MCC: variants seen among roughly 807,000 people sequenced by gnomAD.
The protein encoded by MCC is MCC regulator of Wnt signaling pathway.
Under a neutral mutation model 116.2 loss-of-function variants are expected in MCC, and 90 were observed. The observed-to-expected ratio is 0.77, with a 90% CI of 0.65 to 0.92. The LOEUF is 0.92. Among genes scored for constraint, MCC ranks in the 40% least tolerant of loss-of-function variants. MCC has a pLI of 0.00. For synonymous variants in MCC, 578 were observed against 510.5 expected (o/e 1.13, Z -1.78); for missense variants, 1,516 against 1,312.2 (o/e 1.16, Z -2.40).
In MCC at chr5:113,248,620, T is replaced by C. The variant is rs1017578176; in HGVS notation, c.627+91899A>G. Among the ~76,000 whole-genome samples the C allele has an allele frequency of 2.0e-5, 3 of 152,244 alleles. No individual in the cohort carries two copies. In the East Asian group the frequency reaches 5.8e-4, roughly 29 times the overall value. On this transcript the variant is annotated intron_variant, in intron 3 of 18. Transcript: ENST00000408903. ...AATTTCCCTAGTGTTGAAACCCCGG[T>C]TGACCCTCTAAATGCCAAGAGACAT...
chr5:113,140,399 C>T (rs1305467049), intron 5 of MCC, among the ~76,000 whole-genome samples: 1 of 152,176 alleles, frequency 6.6e-6, no homozygotes, highest in Non-Finnish European at 1.5e-5. Context: ...CCAAATGTCC[C>T]TGTTCAAATT....
At chr5:113,422,765 G>A (rs1337302670) in intron 1 of MCC, among the ~76,000 whole-genome samples, 1 of 152,186 alleles carries the variant, frequency 6.6e-6, no homozygotes, top group Non-Finnish European at 1.5e-5. Context: ...TGGCATCGGA[G>A]ATAAATAGGA....
chr5:113,275,623 T>C (rs1033371058), intron 3 of MCC, among the ~76,000 whole-genome samples: 5 of 152,172 alleles, frequency 3.3e-5, no homozygotes, highest in Non-Finnish European at 7.3e-5. Context: ...TTCCATGGAT[T>C]CTACCAACCA....
chr5:113,029,046 ACTT>A lies in MCC; in HGVS notation c.2764_2766del (p.Lys922del), dbSNP rs1750773709. 6.2e-7 allele frequency: 1 copy of A among 1,612,718 alleles called. No individual in the cohort carries two copies. Among genetic ancestry groups the A allele is most frequent in the African/African-American group, 1.3e-5 (1 of 74,846 alleles). ...ACCAGCTCTTGAACTCTGGCCTTCAACTTCTTTTCTCTATATTAAAGGAGACAA... is the reference window on the plus strand; with the variant it reads ...ACCAGCTCTTGAACTCTGGCCTTCAACTTTTCTCTATATTAAAGGAGACAA... On this transcript the variant is annotated inframe_deletion, in exon 18 of 19. Coordinates refer to ENST00000408903, the MANE Select transcript of MCC (RefSeq NM_001085377.2).
In MCC at chr5:113,057,159, A is replaced by T. The variant is rs553848225; in HGVS notation, c.2214-3200T>A. On this transcript the variant is annotated intron_variant, in intron 14 of 18. Transcript: ENST00000408903. Reference sequence around the variant, plus strand: ...AGTCAGGCAGGGGAGAGAAAGAAGGAGAAGTGGTCAGAGAGGGAGTGCGTG... The same window carrying T: ...AGTCAGGCAGGGGAGAGAAAGAAGGTGAAGTGGTCAGAGAGGGAGTGCGTG... Among the ~76,000 whole-genome samples, 10 of 152,264 alleles carry T rather than the reference A, an allele frequency of 6.6e-5. No individual in the cohort carries two copies. The South Asian group carries it at 1.9e-3, about 28-fold the overall frequency.
chr5:113,276,805 ATT>A (rs35658846), intron 3 of MCC, among the ~76,000 whole-genome samples: 74 of 129,080 alleles, frequency 5.7e-4, no homozygotes, highest in African/African-American at 1.5e-3. Context: ...TTTTCTTCTT[ATT>A]TTTTTTTTTT....
At chr5:113,113,762 C>T (rs1398702832) in intron 6 of MCC, among the ~76,000 whole-genome samples, 1 of 151,886 alleles carries the variant, frequency 6.6e-6, no homozygotes, top group African/African-American at 2.4e-5. Context: ...ACCTGACGTC[C>T]TCAAAATGGC....
chr5:113,175,103 C>G (rs1219649298), intron 3 of MCC, among the ~76,000 whole-genome samples: 1 of 152,126 alleles, frequency 6.6e-6, no homozygotes, highest in Non-Finnish European at 1.5e-5. Flanking sequence ...TGATATACTT[C>G]TGTGTTGTTT....
chr5:113,479,186 T>A (rs348929), intron 1 of MCC, among the ~76,000 whole-genome samples: 104,899 of 152,082 alleles, frequency 0.69, 36,596 homozygotes, highest in East Asian at 0.88. Flanking sequence ...GAATTTCACA[T>A]GCATGACATT....
chr5:113,222,423 G>GCCAAAAT (rs1763586371), intron 3 of MCC, among the ~76,000 whole-genome samples: 2 of 151,814 alleles, frequency 1.3e-5, no homozygotes, highest in Non-Finnish European at 2.9e-5. Context: ...AGGTAATCTT[G>GCCAAAAT]GCCTCATAAA....
rs530815068 is a variant in MCC at position 113,028,799 on chromosome 5, G to T, written c.2879+135C>A. 41 of 1,030,676 alleles carry T rather than the reference G, an allele frequency of 4.0e-5. 1 individual carries two copies. The Middle Eastern group carries it at 1.0e-3, about 25-fold the overall frequency. The allele number at this position is 1,030,676 out of a possible 1,614,324, so 63.8% of individuals were successfully genotyped here. On this transcript the variant is annotated intron_variant, in intron 18 of 18. Coordinates refer to ENST00000408903, the MANE Select transcript of MCC (RefSeq NM_001085377.2). ...CCAGGCTCTTAGAGAGCCAGGTAGG[G>T]ACTCACCCACTTTCTAGAGTTAGTT...
chr5:113,442,605 T>C (rs936739540), intron 1 of MCC, among the ~76,000 whole-genome samples: 1 of 152,220 alleles, frequency 6.6e-6, no homozygotes, highest in African/African-American at 2.4e-5. Context: ...TTGCCTAGGT[T>C]TTCTTCTAGG....
At chr5:113,292,706 C>A (rs544263379) in intron 3 of MCC, among the ~76,000 whole-genome samples, 108 of 152,316 alleles carry the variant, frequency 7.1e-4, no homozygotes, top group African/African-American at 2.5e-3. Flanking sequence ...TCTAGCCCCC[C>A]CTTCTCCTAA....
intron 1 of MCC, among the ~76,000 whole-genome samples, chr5:113,399,294 G>A (rs1361546335): frequency 6.6e-6 from 1 of 152,086 alleles, no homozygotes; most frequent in Non-Finnish European, 1.5e-5. Flanking sequence ...GACCATCCTG[G>A]CTAACAAGGT....
chr5:113,378,426 A>T (rs1769035611), intron 2 of MCC, among the ~76,000 whole-genome samples: 1 of 152,182 alleles, frequency 6.6e-6, no homozygotes, highest in Non-Finnish European at 1.5e-5. Flanking sequence ...GTCTTTGGAG[A>T]TATAGGTTAT....
chr5:113,311,418 G>A (rs1374887642), intron 3 of MCC, among the ~76,000 whole-genome samples: 2 of 152,120 alleles, frequency 1.3e-5, no homozygotes, highest in Non-Finnish European at 2.9e-5. Context: ...GCCTTCTGGA[G>A]GATAAGAGAC....
chr5:113,340,327 C>G (rs10067046), intron 3 of MCC, among the ~76,000 whole-genome samples, 192 bp downstream of exon 3: 87,129 of 152,072 alleles, frequency 0.57, 27,744 homozygotes, highest in African/African-American at 0.86. Context: ...CTCTGGTCTC[C>G]ATGAGAGTGA....
At chr5:113,368,508 A>G (rs1384237480) in intron 2 of MCC, among the ~76,000 whole-genome samples, 1 of 151,786 alleles carries the variant, frequency 6.6e-6, no homozygotes, top group Non-Finnish European at 1.5e-5. Context: ...TTTCTTTCCT[A>G]TGTTCTATTT....
intron 3 of MCC, among the ~76,000 whole-genome samples, chr5:113,287,091 G>A (rs1251981940): frequency 6.6e-6 from 1 of 152,056 alleles, no homozygotes; most frequent in Non-Finnish European, 1.5e-5. Flanking sequence ...GGGGAGGAAA[G>A]AGGGTTCAAA....
Sources: allele counts gnomAD v4.1 joint callset (sites outside exome capture counted in the v4.1 genomes callset), GRCh38; gene constraint gnomAD v4.1.1; transcripts MANE v1.5; gene names NCBI Gene and HGNC (gene_info 2026-07-23, HGNC 2026-07-21).